ST6GALNAC3: variants seen among roughly 807,000 people sequenced by gnomAD.
ST6GALNAC3 encodes alpha-N-acetylgalactosaminide alpha-2,6-sialyltransferase 3.
ST6GALNAC3 carries 25 observed loss-of-function variants against 32.7 expected under a neutral mutation model. That is an observed-to-expected ratio of 0.76 (90% confidence interval 0.56 to 1.07). The LOEUF is 1.07. Among genes scored for constraint, ST6GALNAC3 ranks in the 50% least tolerant of loss-of-function variants. The pLI is 0.00. For synonymous variants in ST6GALNAC3, 129 were observed against 133.1 expected, an observed-to-expected ratio of 0.97 and a Z score of 0.21; for missense variants, 355 against 382.4, an observed-to-expected ratio of 0.93 and a Z score of 0.60.
intron 2 of ST6GALNAC3, among the ~76,000 whole-genome samples, chr1:76,409,620 C>T (rs1419561472): frequency 6.6e-6 from 1 of 151,930 alleles, no homozygotes; most frequent in Non-Finnish European, 1.5e-5. Flanking sequence ...GAATCTTGTG[C>T]AGGCATAAAA....
intron 2 of ST6GALNAC3, among the ~76,000 whole-genome samples, chr1:76,397,048 A>G (rs893735004): frequency 1.1e-4 from 16 of 152,240 alleles, no homozygotes; most frequent in African/African-American, 3.9e-4. Flanking sequence ...TCAATAGCCC[A>G]TAATATCTAG....
At chr1:76,180,149 C>G (rs78244586) in intron 1 of ST6GALNAC3, among the ~76,000 whole-genome samples, 4,250 of 152,280 alleles carry the variant, frequency 0.028, 189 homozygotes, top group African/African-American at 0.096. Context: ...TAAAAAGAAC[C>G]TAGCACATAC....
intron 2 of ST6GALNAC3, among the ~76,000 whole-genome samples, chr1:76,342,480 CAT>C (rs1491042745): frequency 6.6e-6 from 1 of 151,612 alleles, no homozygotes; most frequent in Non-Finnish European, 1.5e-5. Flanking sequence ...GCTTTTTTTT[CAT>C]ATGTTTGTTG....
intron 1 of ST6GALNAC3, among the ~76,000 whole-genome samples, chr1:76,123,249 G>A (rs1193437514): frequency 6.6e-6 from 1 of 151,994 alleles, no homozygotes; most frequent in South Asian, 2.1e-4. Flanking sequence ...GCAGACGCCT[G>A]TAATCCCATC....
At chr1:76,479,131 A>G (rs1358447711) in intron 3 of ST6GALNAC3, among the ~76,000 whole-genome samples, 6 of 152,136 alleles carry the variant, frequency 3.9e-5, no homozygotes, top group East Asian at 1.9e-4. Context: ...GAGACATGTA[A>G]CAGAACTAAA....
chr1:76,631,555 A>G lies in ST6GALNAC3; in HGVS notation c.*2749A>G, dbSNP rs1306888056. ...AGCAATTCAAGGAAACTATTTTGCC[A>G]TGCACATTTCTGATCAATTCCCACA... is the stretch of plus-strand genomic sequence containing the variant. On this transcript the variant is annotated 3_prime_UTR_variant, in exon 5 of 5. Coordinates refer to ENST00000328299, the MANE Select transcript of ST6GALNAC3 (RefSeq NM_152996.4). 6.6e-6 allele frequency: 1 copy of G among 152,080 alleles called. No individual in the cohort carries two copies. Among genetic ancestry groups the G allele is most frequent in the Admixed American group, 6.6e-5 (1 of 15,242 alleles). 9.4% of individuals were successfully genotyped at this position (152,080 alleles called of 1,614,324 possible).
At chr1:76,271,593 T>C (rs1468782297) in intron 1 of ST6GALNAC3, among the ~76,000 whole-genome samples, 1 of 152,210 alleles carries the variant, frequency 6.6e-6, no homozygotes, top group African/African-American at 2.4e-5. Flanking sequence ...ATCTGGAAAG[T>C]CTAGCAGAGC....
intron 3 of ST6GALNAC3, among the ~76,000 whole-genome samples, chr1:76,610,914 C>A (rs1045408832): frequency 1.3e-5 from 2 of 152,126 alleles, no homozygotes; most frequent in Non-Finnish European, 2.9e-5. Flanking sequence ...TCATAGCAGG[C>A]GCCCAGCTAC....
chr1:76,445,826 C>T lies in ST6GALNAC3; in HGVS notation c.623+33409C>T, dbSNP rs558227612. On this transcript the variant is annotated intron_variant, in intron 3 of 4. Transcript: ENST00000328299. ...TTAAGTAGCAGCCCACTCCACCCCT[C>T]GTCATGTCTTATTCTTACTTTTAGC... Among the ~76,000 whole-genome samples, 653 of 152,244 alleles carry T rather than the reference C, an allele frequency of 4.3e-3. 4 individuals are homozygous for T. The highest frequency in any genetic ancestry group is 0.015 in the African/African-American group (634 of 41,542).
At chr1:76,301,278 T>A (rs2100848673) in intron 1 of ST6GALNAC3, among the ~76,000 whole-genome samples, 1 of 152,022 alleles carries the variant, frequency 6.6e-6, no homozygotes, top group African/African-American at 2.4e-5. Context: ...TTAGTTTGGA[T>A]TTGGACTATT....
intron 2 of ST6GALNAC3, among the ~76,000 whole-genome samples, chr1:76,359,770 A>G (rs1485719770): frequency 6.6e-6 from 1 of 152,228 alleles, no homozygotes; most frequent in Non-Finnish European, 1.5e-5. Context: ...AATATAAGAG[A>G]TGACAGCAGC....
At chr1:76,257,317 AC>A (rs1163853680) in intron 1 of ST6GALNAC3, among the ~76,000 whole-genome samples, 2 of 152,148 alleles carry the variant, frequency 1.3e-5, no homozygotes, top group Non-Finnish European at 2.9e-5. Context: ...ACACCATGAC[AC>A]TGACGGGACT....
Position 76,412,254 on chromosome 1 carries a change from A to G in ST6GALNAC3, c.460A>G (p.Ile154Val). ...FKEANTTIYVIWGPFRNMRKD... is the reference protein window; with the variant it reads ...FKEANTTIYVVWGPFRNMRKD... Reference sequence around the variant, plus strand: ...GGAAGCGAATACTACTATTTATGTTATTTGGGGACCTTTCCGCAATATGAG... The same window carrying G: ...GGAAGCGAATACTACTATTTATGTTGTTTGGGGACCTTTCCGCAATATGAG... The change falls in exon 3 of 5, where the codon ATT becomes GTT. Residue 154 changes from isoleucine (I) to valine (V), a missense_variant. Coordinates refer to ENST00000328299, the MANE Select transcript of ST6GALNAC3 (RefSeq NM_152996.4). 1 of 1,613,730 alleles carries G rather than the reference A, an allele frequency of 6.2e-7. No individual in the cohort carries two copies. Among genetic ancestry groups the G allele is most frequent in the Non-Finnish European group, 8.5e-7 (1 of 1,179,782 alleles).
chr1:76,248,807 T>C lies in ST6GALNAC3; in HGVS notation c.19-64998T>C, dbSNP rs959269966. 3.0e-4 allele frequency among the ~76,000 whole-genome samples: 45 copies of C among 152,082 alleles called. 1 individual carries two copies. Among genetic ancestry groups the C allele is most frequent in the Admixed American group, 2.9e-3 (45 of 15,262 alleles). Reference sequence around the variant, plus strand: ...TCCTTTCCTTCTTCCCTCTTTCTTTTCCTTTGTTTGTTCACGTGACAGAGG... The same window carrying C: ...TCCTTTCCTTCTTCCCTCTTTCTTTCCCTTTGTTTGTTCACGTGACAGAGG... On this transcript the variant is annotated intron_variant, in intron 1 of 4. Transcript: ENST00000328299.
chr1:76,216,538 C>T (rs764023759), intron 1 of ST6GALNAC3, among the ~76,000 whole-genome samples: 5 of 152,170 alleles, frequency 3.3e-5, no homozygotes, highest in African/African-American at 1.2e-4. Flanking sequence ...AAGAATGCCA[C>T]CTAATTTGTA....
At chr1:76,431,140 C>G (rs1008198519) in intron 3 of ST6GALNAC3, among the ~76,000 whole-genome samples, 6 of 152,056 alleles carry the variant, frequency 3.9e-5, no homozygotes, top group African/African-American at 1.4e-4. Context: ...TTAGAAGGGC[C>G]CTTAACTTTC....
chr1:76,545,119 T>C (rs1416867339), intron 3 of ST6GALNAC3, among the ~76,000 whole-genome samples: 1 of 152,154 alleles, frequency 6.6e-6, no homozygotes, highest in Non-Finnish European at 1.5e-5. Context: ...GAAAGTCTTG[T>C]CCACATCCAG....
chr1:76,592,316 T>C (rs1468960906), intron 3 of ST6GALNAC3, among the ~76,000 whole-genome samples: 2 of 152,032 alleles, frequency 1.3e-5, no homozygotes, highest in Non-Finnish European at 2.9e-5. Flanking sequence ...GTAAAATCCA[T>C]CAAGAATACA....
chr1:76,526,606 T>A (rs1200561328), intron 3 of ST6GALNAC3, among the ~76,000 whole-genome samples: 1 of 152,144 alleles, frequency 6.6e-6, no homozygotes, highest in African/African-American at 2.4e-5. Flanking sequence ...CTGCTCATGA[T>A]GGCAAACTGA....
Sources: gnomAD v4.1 joint callset for allele counts (sites outside exome capture counted in the v4.1 genomes callset) on GRCh38, gnomAD v4.1.1 for gene constraint, MANE v1.5 for transcripts, NCBI Gene and HGNC (gene_info 2026-07-23, HGNC 2026-07-21) for gene names.